Variants in FGD4 observed in about 807,000 individuals in gnomAD.
FGD4 encodes FYVE, RhoGEF and PH domain containing 4, also known as FYVE, RhoGEF and PH domain-containing protein 4.
FGD4 carries 42 observed loss-of-function variants against 102.0 expected under a neutral mutation model. The observed-to-expected ratio is 0.41, with a 90% CI of 0.32 to 0.53. The LOEUF (loss-of-function observed/expected upper bound fraction) is 0.53, where lower values mean the gene tolerates loss of function less well. FGD4 is among the 20% of genes least tolerant of loss of function. The pLI is 0.21. For missense variants in FGD4, 902 were observed against 1,078.2 expected (o/e 0.84, Z 2.29); for synonymous variants, 380 against 375.7 (o/e 1.01, Z -0.13).
In FGD4 at chr12:32,564,246, G is replaced by A. The variant is rs1158086884; in HGVS notation, c.276G>A (p.Gly92=). Reference sequence around the variant, plus strand: ...AAGAAGAGGCTCAGGGAATAAATGGGAACAGGCCAGCAAAACACTCAGCTG... The same window carrying A: ...AAGAAGAGGCTCAGGGAATAAATGGAAACAGGCCAGCAAAACACTCAGCTG... ...VSEEEAQGIN[G]NRPAKHSAAS... The change falls in exon 2 of 17, where the codon GGG becomes GGA. Residue 92 remains glycine (G), a synonymous_variant. Transcript: ENST00000534526. 1.3e-6 allele frequency: 2 copies of A among 1,536,068 alleles called. No individual in the cohort carries two copies. The highest frequency in any genetic ancestry group is 1.2e-5 in the South Asian group (1 of 84,064).
At chr12:32,575,421 C>G (rs1336283794) in intron 2 of FGD4, among the ~76,000 whole-genome samples, 1 of 152,152 alleles carries the variant, frequency 6.6e-6, no homozygotes, top group African/African-American at 2.4e-5. Flanking sequence ...GTTTCAGGCT[C>G]TTTTTAATAA....
At chr12:32,588,547 TG>T (rs1947232182) in intron 4 of FGD4, among the ~76,000 whole-genome samples, 1 of 152,220 alleles carries the variant, frequency 6.6e-6, no homozygotes, top group Non-Finnish European at 1.5e-5. Context: ...AGTGTCGATT[TG>T]GGCAGTCCTC....
At chr12:32,618,643 G>T (rs1156546946) in intron 10 of FGD4, among the ~76,000 whole-genome samples, 1 of 152,088 alleles carries the variant, frequency 6.6e-6, no homozygotes, top group Non-Finnish European at 1.5e-5. Flanking sequence ...ACCAGGCTGG[G>T]CAACATAGCT....
intron 14 of FGD4, among the ~76,000 whole-genome samples, chr12:32,632,103 A>G (rs1950530159): frequency 6.6e-6 from 1 of 152,196 alleles, no homozygotes; most frequent in Non-Finnish European, 1.5e-5. Context: ...TTTGACTAAT[A>G]TATTTTCTTT....
chr12:32,620,657 G>A (rs1286046342), intron 11 of FGD4, among the ~76,000 whole-genome samples: 1 of 148,354 alleles, frequency 6.7e-6, no homozygotes, highest in Non-Finnish European at 1.5e-5. Flanking sequence ...CTCCTGAGTA[G>A]CTGGGATTAC....
intron 1 of FGD4, among the ~76,000 whole-genome samples, chr12:32,475,051 C>T (rs1025594951): frequency 2.6e-5 from 4 of 152,160 alleles, no homozygotes; most frequent in Admixed American, 1.3e-4. Flanking sequence ...GGCACATGAC[C>T]TTCACTGGTG....
chr12:32,491,149 AAC>A (rs1354477769), intron 1 of FGD4, among the ~76,000 whole-genome samples: 15 of 148,972 alleles, frequency 1.0e-4, no homozygotes, highest in Admixed American at 6.0e-4. Context: ...AAAAAAAAAA[AAC>A]AAAAAACTAT....
At chr12:32,410,931 CTT>C (rs747780109) in intron 1 of FGD4, among the ~76,000 whole-genome samples, 15 of 126,888 alleles carry the variant, frequency 1.2e-4, no homozygotes, top group Non-Finnish European at 1.3e-4. Flanking sequence ...TTTTTTTTTT[CTT>C]TTTTTTTTTT....
intron 1 of FGD4, among the ~76,000 whole-genome samples, chr12:32,424,833 T>C (rs1941775551): frequency 6.6e-6 from 1 of 152,198 alleles, no homozygotes; most frequent in African/African-American, 2.4e-5. Flanking sequence ...GATGATGAGC[T>C]TTTTTTCATA....
chr12:32,471,133 C>T (rs1386432541), intron 1 of FGD4, among the ~76,000 whole-genome samples: 2 of 152,146 alleles, frequency 1.3e-5, no homozygotes, highest in African/African-American at 4.8e-5. Flanking sequence ...TGCCAACCTT[C>T]CCCCCAACCC....
intron 1 of FGD4, among the ~76,000 whole-genome samples, chr12:32,467,999 G>C (rs1407275922): frequency 1.3e-5 from 2 of 152,052 alleles, no homozygotes; most frequent in Admixed American, 6.6e-5. Flanking sequence ...CTGGGCAACA[G>C]AGCGAGACTC....
intron 16 of FGD4, 200 bp downstream of exon 16, chr12:32,638,995 G>A: frequency 7.2e-7 from 1 of 1,391,328 alleles, no homozygotes; most frequent in African/African-American, 1.5e-5. Context: ...TTCAGTTTGT[G>A]GATCATCTGT....
In FGD4 at chr12:32,625,606, G is replaced by A. The variant is rs532661710; in HGVS notation, c.2047-48G>A. The A allele has an allele frequency of 3.3e-5, 52 of 1,584,980 alleles. No individual in the cohort carries two copies. The African/African-American group carries it at 5.9e-4, about 18-fold the overall frequency. ...TCTTTCAAAAAATAATAATAAAAGG[G>A]AATTATAGTTTTTTTCTATTAAAAT... On this transcript the variant is annotated intron_variant, in intron 13 of 16. Coordinates refer to ENST00000534526, the MANE Select transcript of FGD4 (RefSeq NM_001370298.3).
intron 4 of FGD4, among the ~76,000 whole-genome samples, chr12:32,596,807 T>C (rs61926186): frequency 0.036 from 5,541 of 151,880 alleles, 183 homozygotes; most frequent in African/African-American, 0.091. Context: ...TCGTGGTGCA[T>C]GCCTGTAATC....
intron 2 of FGD4, among the ~76,000 whole-genome samples, chr12:32,564,749 C>G (rs1356592493): frequency 6.6e-6 from 1 of 152,222 alleles, no homozygotes; most frequent in East Asian, 1.9e-4. Context: ...ATAGTAAGGT[C>G]TTCCGCAGAA....
At chr12:32,632,411 TGGA>T (rs1453708306) in intron 14 of FGD4, among the ~76,000 whole-genome samples, 1 of 152,196 alleles carries the variant, frequency 6.6e-6, no homozygotes, top group Non-Finnish European at 1.5e-5. Context: ...TCCTGGGGTT[TGGA>T]GGAGTCCTCC....
At position 32,399,563 on chromosome 12, in the gene FGD4, T is replaced by C; in HGVS notation, c.-231T>C. 9.3e-7 allele frequency: 1 copy of C among 1,075,038 alleles called. No individual in the cohort carries two copies. The highest frequency in any genetic ancestry group is 1.3e-6 in the Non-Finnish European group (1 of 787,652). The allele number at this position is 1,075,038 out of a possible 1,614,324, so 66.6% of individuals were successfully genotyped here. On this transcript the variant is annotated 5_prime_UTR_variant, in exon 1 of 17. Coordinates refer to ENST00000534526, the MANE Select transcript of FGD4 (RefSeq NM_001370298.3). ...TTTGAGTGAGTGCGGGAGCTGCAGATACCGAGACGCTGCGACTGCCGCAGG... is the reference window on the plus strand; with the variant it reads ...TTTGAGTGAGTGCGGGAGCTGCAGACACCGAGACGCTGCGACTGCCGCAGG...
rs1939885800 is a variant in FGD4 at position 32,516,396 on chromosome 12, A to G, written c.167-47741A>G. Reference sequence around the variant, plus strand: ...CAGGCCCAAGCGATTCTCTTATCTCAGCCTCCCAGAGTGCTGGGATTACAG... The same window carrying G: ...CAGGCCCAAGCGATTCTCTTATCTCGGCCTCCCAGAGTGCTGGGATTACAG... On this transcript the variant is annotated intron_variant, in intron 1 of 16. Transcript: ENST00000534526. Among the ~76,000 whole-genome samples the G allele has an allele frequency of 2.0e-5, 3 of 152,110 alleles. No homozygotes were observed. In the South Asian group the frequency reaches 6.2e-4, roughly 32 times the overall value.
chr12:32,489,428 T>C (rs762631865), intron 1 of FGD4, among the ~76,000 whole-genome samples: 2 of 152,234 alleles, frequency 1.3e-5, no homozygotes, highest in Non-Finnish European at 2.9e-5. Flanking sequence ...CTTTTAATAT[T>C]GAAATGGGAA....
Sources: gnomAD v4.1 joint callset for allele counts (sites outside exome capture counted in the v4.1 genomes callset) on GRCh38, gnomAD v4.1.1 for gene constraint, MANE v1.5 for transcripts, NCBI Gene and HGNC (gene_info 2026-07-23, HGNC 2026-07-21) for gene names.